The following KLHL12 variants were observed in gnomAD, a reference collection of about 807,000 sequenced individuals.
KLHL12 encodes the protein kelch like family member 12.
KLHL12 carries 17 observed loss-of-function variants against 60.8 expected under a neutral mutation model. That is an observed-to-expected ratio of 0.28 (90% CI 0.19 to 0.42). The LOEUF is 0.42. Among genes scored for constraint, KLHL12 ranks in the 10% least tolerant of loss-of-function variants. The pLI, the probability that KLHL12 is intolerant of heterozygous loss-of-function variation, is 1.00. For synonymous variants in KLHL12, 220 were observed against 250.9 expected, an observed-to-expected ratio of 0.88 and a Z score of 1.16; for missense variants, 468 against 722.3, an observed-to-expected ratio of 0.65 and a Z score of 4.04.
intron 3 of KLHL12, 49 bp downstream of exon 3, chr1:202,919,705 CT>C (rs766546425): frequency 6.5e-7 from 1 of 1,533,860 alleles, no homozygotes; most frequent in South Asian, 1.2e-5. Flanking sequence ...AATTTTCAAC[CT>C]TTCCAGGGCT....
intron 6 of KLHL12, among the ~76,000 whole-genome samples, chr1:202,897,613 A>C (rs1328502929): frequency 6.6e-6 from 1 of 152,160 alleles, no homozygotes; most frequent in Admixed American, 6.6e-5. Context: ...CACTCTCTGC[A>C]CTTAGCCTGA....
Position 202,895,789 on chromosome 1 carries a change from TC to T in KLHL12, c.940-73del, listed in dbSNP as rs1571513911. On this transcript the variant is annotated intron_variant, in intron 7 of 11. Transcript: ENST00000367261. This position sits in a 1 kb window ranked among gnomAD's most constrained non-coding sequence, Gnocchi z 4.2. ...TTTTGGGCCTTACCTTTTGCTATCT[TC>T]CCTGTTGTATCTGCACACCTCTCTG... 2 of 1,158,658 alleles carry T rather than the reference TC, an allele frequency of 1.7e-6. No homozygotes were observed. Among genetic ancestry groups the T allele is most frequent in the South Asian group, 1.4e-5 (1 of 70,770 alleles). The allele number at this position is 1,158,658 out of a possible 1,614,324, so 71.8% of individuals were successfully genotyped here.
At chr1:202,922,238 T>C (rs10732292) in intron 2 of KLHL12, among the ~76,000 whole-genome samples, 81,441 of 151,750 alleles carry the variant, frequency 0.54, 22,845 homozygotes, top group Non-Finnish European at 0.62. Context: ...CACAGCAACC[T>C]GGTAAGGTAG....
chr1:202,908,404 ATAACT>A (rs1342277367), intron 6 of KLHL12, among the ~76,000 whole-genome samples: 1 of 152,178 alleles, frequency 6.6e-6, no homozygotes, highest in African/African-American at 2.4e-5. Context: ...CTTTACATAA[ATAACT>A]TTATTTACTC....
At chr1:202,894,367 T>C (rs1256994355) in intron 9 of KLHL12, 85 bp from the exon 10 acceptor site, 13 of 948,708 alleles carry the variant, frequency 1.4e-5, no homozygotes, top group Non-Finnish European at 2.1e-5. Flanking sequence ...TTCAACTAAT[T>C]ATTTTAGTTT....
At chr1:202,917,373 C>T (rs1202228340) in intron 4 of KLHL12, among the ~76,000 whole-genome samples, 2 of 152,154 alleles carry the variant, frequency 1.3e-5, no homozygotes, top group African/African-American at 2.4e-5. Context: ...CACCACCATG[C>T]CAGGCTAATT....
In KLHL12 at chr1:202,919,616, A is replaced by G. The variant is rs898869384; in HGVS notation, c.349+139T>C. 4.2e-6 allele frequency: 3 copies of G among 716,796 alleles called. No homozygotes were observed. In the South Asian group the frequency reaches 6.8e-5, roughly 16 times the overall value. 44.4% of individuals were successfully genotyped at this position (716,796 alleles called of 1,614,324 possible). ...TTGACATCTGATCTCTTATTGCTCA[A>G]TGAGACAAAAGCCATGGCCAGCAAA... On this transcript the variant is annotated intron_variant, in intron 3 of 11. Coordinates refer to ENST00000367261, the MANE Select transcript of KLHL12 (RefSeq NM_021633.4).
intron 3 of KLHL12, 117 bp downstream of exon 3, chr1:202,919,638 C>G: frequency 1.1e-6 from 1 of 946,764 alleles, no homozygotes; most frequent in Non-Finnish European, 1.5e-6. Context: ...CCATGGCCAG[C>G]AAACATGAAC....
upstream of KLHL12, among the ~76,000 whole-genome samples, chr1:202,927,674 TAA>T (rs748842460): frequency 3.1e-3 from 230 of 75,406 alleles, 5 homozygotes; most frequent in East Asian, 0.051. Context: ...TGAGACCCTG[TAA>T]AAAAAAAAAA....
chr1:202,911,248 A>G (rs1377848166), intron 4 of KLHL12, 45 bp from the exon 5 acceptor site: 1 of 1,602,292 alleles, frequency 6.2e-7, no homozygotes, highest in East Asian at 2.2e-5. Flanking sequence ...TTTTCCAATT[A>G]GCTCACCATC....
Position 202,906,227 on chromosome 1 carries a change from C to T in KLHL12, c.832+2783G>A, listed in dbSNP as rs1336019996. On this transcript the variant is annotated intron_variant, in intron 6 of 11. Coordinates refer to ENST00000367261, the MANE Select transcript of KLHL12 (RefSeq NM_021633.4). ...CAGCACTTTAGGAGGCTGAGGTGGG[C>T]GGATCACCTGACGTCAGGAGTCCGA... Among the ~76,000 whole-genome samples the T allele has an allele frequency of 4.7e-5, 7 of 149,316 alleles. No homozygotes were observed. In the East Asian group the frequency reaches 6.0e-4, roughly 13 times the overall value.
At chr1:202,918,760 A>G (rs959143338) in intron 3 of KLHL12, among the ~76,000 whole-genome samples, 3 of 152,250 alleles carry the variant, frequency 2.0e-5, no homozygotes, top group Non-Finnish European at 4.4e-5. Context: ...AAAACTTACT[A>G]AAAGACTAGA....
Position 202,925,200 on chromosome 1 carries a change from T to G in KLHL12, c.-38A>C. The G allele has an allele frequency of 6.2e-7, 1 of 1,612,222 alleles. No individual in the cohort carries two copies. Among genetic ancestry groups the G allele is most frequent in the Non-Finnish European group, 8.5e-7 (1 of 1,179,380 alleles). ...AGAAAGAACAAAATGGGTCCTTGGA[T>G]TCTGCAACTACAAGAGGGAAAAAAA... is the stretch of plus-strand genomic sequence containing the variant. On this transcript the variant is annotated 5_prime_UTR_variant, in exon 2 of 12. Coordinates refer to ENST00000367261, the MANE Select transcript of KLHL12 (RefSeq NM_021633.4).
At position 202,909,979 on chromosome 1, in the gene KLHL12, T is replaced by G. The variant is rs1173480105; in HGVS notation, c.718-855A>C. 2.6e-5 allele frequency among the ~76,000 whole-genome samples: 4 copies of G among 152,228 alleles called. No homozygotes were observed. The highest frequency in any genetic ancestry group is 5.9e-5 in the Non-Finnish European group (4 of 68,032). On this transcript the variant is annotated intron_variant, in intron 5 of 11. Transcript: ENST00000367261. The surrounding 1 kb of genome is among the most constrained non-coding windows in gnomAD (Gnocchi z 4.1). ...TCCTGTTTTGAGTATAGCATCTGTT[T>G]CCTGTTGGGACCCTAAAGGACACAG...
At chr1:202,903,629 C>CTTTTTTTTTTTTTTT (rs1220119536) in intron 6 of KLHL12, among the ~76,000 whole-genome samples, 28,133 of 74,220 alleles carry the variant, frequency 0.38, 9,044 homozygotes, top group Non-Finnish European at 0.47. Context: ...TTTTTCTTTT[C>CTTTTTTTTTTTTTTT]TTTTTTTTTT....
Position 202,893,244 on chromosome 1 carries a change from A to G in KLHL12, c.1575T>C (p.Ile525=). 6.3e-7 allele frequency: 1 copy of G among 1,598,848 alleles called. No individual in the cohort carries two copies. The highest frequency in any genetic ancestry group is 2.3e-5 in the East Asian group (1 of 44,226). The change falls in exon 11 of 12, where the codon ATT becomes ATC. Residue 525 remains isoleucine (I), a synonymous_variant. Coordinates refer to ENST00000367261, the MANE Select transcript of KLHL12 (RefSeq NM_021633.4). This position sits in a 1 kb window ranked among gnomAD's most constrained non-coding sequence, Gnocchi z 4.1. ...ATVLRGRLYA[I]AGYDGNSLLS... ...ATTCGTTTCTAAATCCTCACCCTGC[A>G]ATTGCATAGAGTCTCCCCCGAAGCA...
chr1:202,901,458 CT>C (rs56658940), intron 6 of KLHL12, among the ~76,000 whole-genome samples: 114,785 of 142,036 alleles, frequency 0.81, 46,494 homozygotes, highest in East Asian at 0.85. Flanking sequence ...ACCCAGCTAC[CT>C]TTTTTTTTTT....
chr1:202,904,090 T>C (rs1232958074), intron 6 of KLHL12, among the ~76,000 whole-genome samples: 1 of 152,076 alleles, frequency 6.6e-6, no homozygotes, highest in African/African-American at 2.4e-5. Flanking sequence ...ACGATCTTGG[T>C]TCACCACAAT....
chr1:202,894,802 A>G, intron 8 of KLHL12, 53 bp from the exon 9 acceptor site: 1 of 1,465,518 alleles, frequency 6.8e-7, no homozygotes, highest in South Asian at 1.2e-5. Context: ...ATTTCTAAGA[A>G]CTCTTTCCTC....
Sources: allele counts gnomAD v4.1 joint callset (sites outside exome capture counted in the v4.1 genomes callset), GRCh38; gene constraint gnomAD v4.1.1; non-coding constraint Gnocchi (gnomAD v3.1); transcripts MANE v1.5; gene names NCBI Gene and HGNC (gene_info 2026-07-23, HGNC 2026-07-21).